The following SLC30A9 variants were observed in gnomAD, a reference collection of about 807,000 sequenced individuals.
SLC30A9 encodes the protein solute carrier family 30 member 9.
A neutral mutation model predicts 87.5 loss-of-function variants in SLC30A9; 58 were observed. The observed-to-expected ratio is 0.66, with a 90% CI of 0.54 to 0.82. SLC30A9 has a LOEUF of 0.82. SLC30A9 is among the 40% of genes least tolerant of loss of function. SLC30A9 has a pLI of 0.00. For missense variants in SLC30A9, 557 were observed against 679.1 expected (o/e 0.82, Z 2.00); for synonymous variants, 234 against 233.0 (o/e 1.00, Z -0.04).
chr4:42,074,809 T>C (rs755052293), intron 15 of SLC30A9, among the ~76,000 whole-genome samples: 2 of 151,880 alleles, frequency 1.3e-5, no homozygotes, highest in Admixed American at 6.6e-5. Flanking sequence ...GTGGCAGTTA[T>C]TATTAACCTC....
chr4:42,054,708 T>C (rs1717532762), intron 9 of SLC30A9, among the ~76,000 whole-genome samples: 1 of 151,890 alleles, frequency 6.6e-6, no homozygotes, highest in African/African-American at 2.4e-5. Flanking sequence ...GCCAGGATGG[T>C]TTCGATATGG....
intron 4 of SLC30A9, 117 bp from the exon 5 acceptor site, chr4:42,022,721 A>G (rs546130005): frequency 5.9e-6 from 3 of 507,240 alleles, no homozygotes; most frequent in African/African-American, 1.9e-5. Flanking sequence ...ATTCACATCA[A>G]TATTTCTCTA....
At chr4:42,032,441 T>A (rs1424678907) in intron 6 of SLC30A9, among the ~76,000 whole-genome samples, 1 of 152,168 alleles carries the variant, frequency 6.6e-6, no homozygotes, top group Non-Finnish European at 1.5e-5. Flanking sequence ...TATAAATATT[T>A]AGGAGGATTC....
intron 16 of SLC30A9, among the ~76,000 whole-genome samples, chr4:42,076,692 G>A (rs1002840553): frequency 6.6e-6 from 1 of 151,884 alleles, no homozygotes; most frequent in Non-Finnish European, 1.5e-5. Flanking sequence ...GGCCGGGCGC[G>A]GTGGCTCACG....
chr4:42,075,643 G>T lies in SLC30A9; in HGVS notation c.1419-14G>T. 4 of 1,610,202 alleles carry T rather than the reference G, an allele frequency of 2.5e-6. No homozygotes were observed. In the South Asian group the frequency reaches 4.4e-5, roughly 18 times the overall value. On this transcript the variant is annotated splice_polypyrimidine_tract_variant and intron_variant, in intron 15 of 17. Transcript: ENST00000264451. Reference sequence around the variant, plus strand: ...ATGTATAAATAAATTTGTATGCATTGTTATTGATTGCAGGGCAATTCATGA... The same window carrying T: ...ATGTATAAATAAATTTGTATGCATTTTTATTGATTGCAGGGCAATTCATGA...
intron 2 of SLC30A9, among the ~76,000 whole-genome samples, chr4:42,016,795 GTCTATCTATCTATCTA>G (rs34586662): frequency 2.6e-5 from 4 of 151,562 alleles, no homozygotes; most frequent in Non-Finnish European, 2.9e-5. Flanking sequence ...ATATAACATG[GTCTATCTATCTATCTA>G]TCTATCTATC....
At chr4:42,063,602 G>A (rs1483737296) in intron 11 of SLC30A9, among the ~76,000 whole-genome samples, 3 of 152,212 alleles carry the variant, frequency 2.0e-5, no homozygotes, top group African/African-American at 7.2e-5. Flanking sequence ...ATGATCACCC[G>A]TATGATCCCC....
chr4:42,001,713 A>T lies in SLC30A9; in HGVS notation c.207A>T (p.Thr69=). The T allele has an allele frequency of 6.2e-7, 1 of 1,611,696 alleles. No homozygotes were observed. The highest frequency in any genetic ancestry group is 8.5e-7 in the Non-Finnish European group (1 of 1,178,338). ...TGAGTCAAGTAAAGTTGTACTCCAC[A>T]AATGTTCAGAAAGAAGGACAGGGAT... The part of the protein sequence containing the change: ...GTLSQVKLYS[T]NVQKEGQGSQ... The change falls in exon 2 of 18, where the codon ACA becomes ACT. Residue 69 remains threonine (T), a synonymous_variant. Transcript: ENST00000264451.
At chr4:42,073,282 A>G (rs1010899626) in intron 15 of SLC30A9, among the ~76,000 whole-genome samples, 1 of 152,200 alleles carries the variant, frequency 6.6e-6, no homozygotes, top group Admixed American at 6.5e-5. Flanking sequence ...TTGTTGCTAC[A>G]TACATGTTTA....
chr4:42,073,947 T>C (rs1718419500), intron 15 of SLC30A9, among the ~76,000 whole-genome samples: 1 of 152,196 alleles, frequency 6.6e-6, no homozygotes, highest in Non-Finnish European at 1.5e-5. Flanking sequence ...GTTAGTTATA[T>C]GTAAGAACAT....
At position 42,054,489 on chromosome 4, in the gene SLC30A9, A is replaced by G. The variant is rs1052217825; in HGVS notation, c.840+5010A>G. Among the ~76,000 whole-genome samples the G allele has an allele frequency of 9.4e-5, 12 of 127,524 alleles. No homozygotes were observed. In the Admixed American group the frequency reaches 1.2e-3, roughly 13 times the overall value. The allele number at this position is 127,524 out of a possible 152,430, so 83.7% of individuals were successfully genotyped here. A position where few individuals can be genotyped will look rare whatever the true frequency, so the allele number is the denominator to read the frequency against. ...TATTTGATAATAGTAAGGAATTAGTATTGATTTTTTTTTTTTTTTGAGACA... is the reference window on the plus strand; with the variant it reads ...TATTTGATAATAGTAAGGAATTAGTGTTGATTTTTTTTTTTTTTTGAGACA... On this transcript the variant is annotated intron_variant, in intron 9 of 17. Transcript: ENST00000264451.
Position 42,035,307 on chromosome 4 carries a change from T to C in SLC30A9, c.643T>C (p.Tyr215His). Reference sequence around the variant, plus strand: ...TAGAAACCAAAAAATATTAAGAGAATACAGAGATTTCTTGGGAAATACCAA... The same window carrying C: ...TAGAAACCAAAAAATATTAAGAGAACACAGAGATTTCTTGGGAAATACCAA... ...LFRNQKILREYRDFLGNTKPR... is the reference protein window; with the variant it reads ...LFRNQKILREHRDFLGNTKPR... The change falls in exon 7 of 18, where the codon TAC becomes CAC. Residue 215 changes from tyrosine to histidine, a missense_variant. By Grantham distance (83) the Tyr-to-His change is moderately conservative. Coordinates refer to ENST00000264451, the MANE Select transcript of SLC30A9 (RefSeq NM_006345.4). The C allele has an allele frequency of 1.2e-6, 2 of 1,602,652 alleles. No homozygotes were observed. Among genetic ancestry groups the C allele is most frequent in the Non-Finnish European group, 1.7e-6 (2 of 1,172,018 alleles).
chr4:41,990,839 C>A, intron 1 of SLC30A9, 79 bp downstream of exon 1: 1 of 1,015,794 alleles, frequency 9.8e-7, no homozygotes, highest in East Asian at 2.6e-5. Context: ...TCGCCTGGGG[C>A]AATTCGCCCA....
intron 3 of SLC30A9, among the ~76,000 whole-genome samples, chr4:42,018,879 CCTT>C (rs985568586): frequency 3.3e-5 from 5 of 151,956 alleles, no homozygotes; most frequent in African/African-American, 1.2e-4. Flanking sequence ...ATCATCCTCA[CCTT>C]CATCATTAAT....
At chr4:41,998,534 G>A (rs1714835994) in intron 1 of SLC30A9, among the ~76,000 whole-genome samples, 1 of 150,758 alleles carries the variant, frequency 6.6e-6, no homozygotes, top group Admixed American at 6.7e-5. Flanking sequence ...CGCGATCTTG[G>A]TTCACTGCAA....
intron 1 of SLC30A9, among the ~76,000 whole-genome samples, chr4:41,991,148 AT>A (rs1303116624): frequency 6.6e-6 from 1 of 152,254 alleles, no homozygotes. Flanking sequence ...GCGCACCTTC[AT>A]TTAGCACTTG....
chr4:42,073,902 C>A (rs1718417212), intron 15 of SLC30A9, among the ~76,000 whole-genome samples: 1 of 152,120 alleles, frequency 6.6e-6, no homozygotes, highest in South Asian at 2.1e-4. Flanking sequence ...AGGGATTGAT[C>A]ATATGGGAGC....
chr4:42,057,416 A>G (rs1482049126), intron 9 of SLC30A9, among the ~76,000 whole-genome samples: 1 of 152,282 alleles, frequency 6.6e-6, no homozygotes, highest in South Asian at 2.1e-4. Flanking sequence ...CACAGGCCCA[A>G]CACCACGTGG....
intron 13 of SLC30A9, 127 bp downstream of exon 13, chr4:42,066,748 C>G: frequency 1.0e-5 from 6 of 582,808 alleles, no homozygotes; most frequent in Non-Finnish European, 1.8e-5. Flanking sequence ...CTGTGTGGCT[C>G]TTACATATCC....
Sources: gnomAD v4.1 joint callset for allele counts (sites outside exome capture counted in the v4.1 genomes callset) on GRCh38, gnomAD v4.1.1 for gene constraint, MANE v1.5 for transcripts, NCBI Gene and HGNC (gene_info 2026-07-23, HGNC 2026-07-21) for gene names.